Variants in DTNA observed in about 807,000 individuals in gnomAD.
DTNA encodes dystrobrevin alpha, also known as dystrophin-related protein 3.
Under a neutral mutation model 100.7 loss-of-function variants are expected in DTNA, and 43 were observed. The ratio of observed to expected loss-of-function variants is 0.43; its 90% CI spans 0.33 to 0.55. The LOEUF (loss-of-function observed/expected upper bound fraction) is 0.55. DTNA is among the 20% of genes least tolerant of loss of function. DTNA has a pLI of 0.04. For synonymous variants in DTNA, 349 were observed against 347.9 expected (o/e 1.00, Z -0.04); for missense variants, 798 against 953.9 (o/e 0.84, Z 2.15).
chr18:34,535,886 C>T (rs963437121), intron 1 of DTNA, among the ~76,000 whole-genome samples: 11 of 152,000 alleles, frequency 7.2e-5, no homozygotes, highest in African/African-American at 2.7e-4. Context: ...TGAATGTGTT[C>T]TCATGATAAA....
At chr18:34,536,027 A>G (rs1272954130) in intron 1 of DTNA, among the ~76,000 whole-genome samples, 7 of 152,080 alleles carry the variant, frequency 4.6e-5, no homozygotes, top group Non-Finnish European at 1.0e-4. Flanking sequence ...GAATTTATAA[A>G]TACACACACA....
At chr18:34,765,066 C>G (rs1045815290) in intron 2 of DTNA, among the ~76,000 whole-genome samples, 4 of 152,084 alleles carry the variant, frequency 2.6e-5, no homozygotes, top group African/African-American at 9.7e-5. Flanking sequence ...ACGAGAGATT[C>G]TGTGGTAGAA....
At chr18:34,787,226 G>GCTGCAAGCC (rs2094539687) in intron 3 of DTNA, among the ~76,000 whole-genome samples, 1 of 152,160 alleles carries the variant, frequency 6.6e-6, no homozygotes, top group Admixed American at 6.5e-5. Context: ...ACCTTTCTCA[G>GCTGCAAGCC]CTGCAAGCCC....
chr18:34,580,055 T>G (rs2048472174), intron 1 of DTNA, among the ~76,000 whole-genome samples: 1 of 152,136 alleles, frequency 6.6e-6, no homozygotes, highest in South Asian at 2.1e-4. Context: ...TATTGACATG[T>G]CTCAAATATT....
chr18:34,734,941 C>T (rs1233461137), intron 1 of DTNA, among the ~76,000 whole-genome samples: 1 of 152,120 alleles, frequency 6.6e-6, no homozygotes, highest in Non-Finnish European at 1.5e-5. Flanking sequence ...GCCTCAAAAC[C>T]AACGAAAGAA....
intron 16 of DTNA, 26 bp from the exon 17 acceptor site, chr18:34,863,940 T>G: frequency 6.3e-7 from 1 of 1,593,600 alleles, no homozygotes; most frequent in Non-Finnish European, 8.6e-7. Flanking sequence ...GCATGCCGCT[T>G]CTGATGTCAG....
chr18:34,807,183 C>T (rs925269448), intron 5 of DTNA, among the ~76,000 whole-genome samples: 2 of 152,024 alleles, frequency 1.3e-5, no homozygotes, highest in South Asian at 2.1e-4. Context: ...ATGTTGATGC[C>T]GCTGTTTAAA....
At chr18:34,795,662 A>T (rs1214278706) in intron 4 of DTNA, among the ~76,000 whole-genome samples, 1 of 152,186 alleles carries the variant, frequency 6.6e-6, no homozygotes, top group East Asian at 1.9e-4. Context: ...ATTTGTTAGA[A>T]ATGTAACAAT....
intron 1 of DTNA, among the ~76,000 whole-genome samples, chr18:34,614,293 G>C (rs543195425): frequency 2.0e-4 from 31 of 152,308 alleles, no homozygotes; most frequent in African/African-American, 7.5e-4. Flanking sequence ...AGCTCTGATG[G>C]AGATGTACAA....
intron 22 of DTNA, 141 bp downstream of exon 22, chr18:34,884,917 G>T (rs2096907892): frequency 1.9e-6 from 2 of 1,032,244 alleles, no homozygotes; most frequent in African/African-American, 3.2e-5. Flanking sequence ...ATATCGAAGA[G>T]TCGTCTCAGT....
chr18:34,848,965 T>G (rs2096431692), intron 14 of DTNA, among the ~76,000 whole-genome samples: 1 of 152,186 alleles, frequency 6.6e-6, no homozygotes, highest in African/African-American at 2.4e-5. Flanking sequence ...ACATCAGATG[T>G]TGCAGTTATC....
At chr18:34,772,326 TAA>T (rs1161737587) in intron 3 of DTNA, among the ~76,000 whole-genome samples, 2 of 152,252 alleles carry the variant, frequency 1.3e-5, no homozygotes, top group African/African-American at 2.4e-5. Flanking sequence ...TCAGATATGT[TAA>T]GTTAGAACAC....
At chr18:34,745,900 T>C (rs945512248) in intron 1 of DTNA, among the ~76,000 whole-genome samples, 1 of 152,062 alleles carries the variant, frequency 6.6e-6, no homozygotes, top group Non-Finnish European at 1.5e-5. Context: ...CATTAAAGGG[T>C]CTAAAATCTT....
intron 8 of DTNA, among the ~76,000 whole-genome samples, chr18:34,818,943 GT>G (rs1234263726): frequency 6.6e-6 from 1 of 152,174 alleles, no homozygotes; most frequent in Non-Finnish European, 1.5e-5. Context: ...TCAGGAGCAT[GT>G]GGTACCAGGT....
chr18:34,652,309 G>A (rs530811998), intron 1 of DTNA, among the ~76,000 whole-genome samples: 1 of 152,202 alleles, frequency 6.6e-6, no homozygotes, highest in Non-Finnish European at 1.5e-5. Context: ...AATTCAGCAT[G>A]AGCTCAGAAC....
chr18:34,667,061 A>T (rs1016697068), intron 1 of DTNA, among the ~76,000 whole-genome samples: 1 of 152,100 alleles, frequency 6.6e-6, no homozygotes, highest in African/African-American at 2.4e-5. Context: ...ATGAGCATGG[A>T]ATGTTCTTCC....
chr18:34,516,210 C>T lies in DTNA; in HGVS notation c.-2+22696C>T, dbSNP rs117571561. 3.8e-3 allele frequency among the ~76,000 whole-genome samples: 571 copies of T among 152,168 alleles called. 2 individuals carry two copies. The highest frequency in any genetic ancestry group is 0.031 in the Middle Eastern group (9 of 294). ...GAAGGCATCACATATCGGCAGGTTC[C>T]ATGATGCCCCTCAAACTGCAAAACT... On this transcript the variant is annotated intron_variant, in intron 1 of 19. Transcript: ENST00000283365.
At chr18:34,545,676 T>C (rs907629131) in intron 1 of DTNA, among the ~76,000 whole-genome samples, 2 of 152,120 alleles carry the variant, frequency 1.3e-5, no homozygotes, top group Admixed American at 1.3e-4. Flanking sequence ...ATTTCAGAGC[T>C]TCCCACTACC....
chr18:34,789,037 T>C (rs1245654310), intron 3 of DTNA, among the ~76,000 whole-genome samples: 2 of 152,212 alleles, frequency 1.3e-5, no homozygotes, highest in Non-Finnish European at 2.9e-5. Context: ...ATACAATGTA[T>C]AAACAAAATA....
Sources: allele counts gnomAD v4.1 joint callset (sites outside exome capture counted in the v4.1 genomes callset), GRCh38; gene constraint gnomAD v4.1.1; transcripts MANE v1.5; gene names NCBI Gene and HGNC (gene_info 2026-07-23, HGNC 2026-07-21).